Variants in PSMB7 observed in about 807,000 individuals in gnomAD.
PSMB7 encodes the protein proteasome 20S subunit beta 7.
In PSMB7, 5 loss-of-function variants were observed where a neutral mutation model predicts 28.1. The observed-to-expected ratio is 0.18, with a 90% CI of 0.09 to 0.37. The LOEUF is 0.37. PSMB7 is among the 10% of genes least tolerant of loss of function. The pLI is 1.00. For missense variants in PSMB7, 275 were observed against 346.2 expected (o/e 0.79, Z 1.63); for synonymous variants, 122 against 123.7 (o/e 0.99, Z 0.09).
chr9:124,372,793 A>AT (rs1830575703), intron 6 of PSMB7, among the ~76,000 whole-genome samples: 1 of 152,234 alleles, frequency 6.6e-6, no homozygotes, highest in South Asian at 2.1e-4. Flanking sequence ...GAACAGAAGA[A>AT]TACACATTCA....
At chr9:124,354,598 A>G (rs1264604147) in intron 7 of PSMB7, among the ~76,000 whole-genome samples, 2 of 152,194 alleles carry the variant, frequency 1.3e-5, no homozygotes, top group Non-Finnish European at 2.9e-5. Context: ...CAACTTCCAC[A>G]GTTCTGCATC....
At chr9:124,406,986 CAAAAAAT>C (rs1830973041) in intron 4 of PSMB7, among the ~76,000 whole-genome samples, 2 of 151,686 alleles carry the variant, frequency 1.3e-5, no homozygotes, top group Non-Finnish European at 2.9e-5. Flanking sequence ...CACTTAGTCT[CAAAAAAT>C]AAAAAATAAA....
Position 124,358,219 on chromosome 9 carries a change from G to C in PSMB7, c.571-1304C>G, listed in dbSNP as rs117072947. On this transcript the variant is annotated intron_variant, in intron 6 of 7. Transcript: ENST00000259457. ...ATCCGCTAACCTCAAGTTTTCAGAA[G>C]ATCTGAACCCACTGGGGGCTCCTGC... 5.6e-4 allele frequency among the ~76,000 whole-genome samples: 86 copies of C among 152,292 alleles called. 2 individuals carry two copies. In the East Asian group the frequency reaches 0.016, roughly 29 times the overall value.
rs1346522794 is a variant in PSMB7, at chr9:124,353,582, C to T, written c.*16G>A. The T allele has an allele frequency of 3.8e-6, 6 of 1,575,912 alleles. No individual in the cohort carries two copies. Among genetic ancestry groups the T allele is most frequent in the Admixed American group, 3.3e-5 (2 of 59,978 alleles). ...ACCACCTTCCAGAACCGCGGCCAGC[C>T]ACCCACTGATGCCATTCAGGAAGTG... On this transcript the variant is annotated 3_prime_UTR_variant, in exon 8 of 8. Transcript: ENST00000259457.
intron 5 of PSMB7, among the ~76,000 whole-genome samples, chr9:124,393,142 C>A (rs1020896001): frequency 3.9e-5 from 6 of 152,168 alleles, no homozygotes; most frequent in African/African-American, 1.4e-4. Context: ...GTGTGCAGAG[C>A]TGATTGATGA....
intron 6 of PSMB7, among the ~76,000 whole-genome samples, chr9:124,383,344 T>C (rs1434243191): frequency 1.3e-5 from 2 of 152,222 alleles, no homozygotes; most frequent in African/African-American, 4.8e-5. Flanking sequence ...TTCTATACAC[T>C]ATGTTTTAAT....
chr9:124,389,783 C>T (rs151058378), intron 5 of PSMB7, among the ~76,000 whole-genome samples: 4 of 152,320 alleles, frequency 2.6e-5, no homozygotes, highest in Admixed American at 6.5e-5. Flanking sequence ...CTGTCAGGGC[C>T]GGACTCACCC....
intron 6 of PSMB7, among the ~76,000 whole-genome samples, chr9:124,373,010 C>T (rs913549651): frequency 5.9e-5 from 9 of 152,224 alleles, no homozygotes; most frequent in Admixed American, 2.0e-4. Context: ...AGCCTTAACT[C>T]AAGAAGTCCC....
rs1161366281 is a variant in PSMB7, at chr9:124,353,558, C to T, written c.*40G>A. On this transcript the variant is annotated 3_prime_UTR_variant, in exon 8 of 8. Transcript: ENST00000259457. ...GTGTCTTACTGGGCCTCAATGCTCA[C>T]CACCTTCCAGAACCGCGGCCAGCCA... 7.0e-7 allele frequency: 1 copy of T among 1,425,496 alleles called. No individual in the cohort carries two copies. Among genetic ancestry groups the T allele is most frequent in the East Asian group, 2.3e-5 (1 of 43,982 alleles). 88.3% of individuals were successfully genotyped at this position (1,425,496 alleles called of 1,614,324 possible).
At chr9:124,387,964 G>A (rs1298328210) in intron 5 of PSMB7, among the ~76,000 whole-genome samples, 3 of 151,708 alleles carry the variant, frequency 2.0e-5, no homozygotes, top group Non-Finnish European at 4.4e-5. Context: ...CCTAGATACT[G>A]GTCCAACATC....
intron 5 of PSMB7, among the ~76,000 whole-genome samples, chr9:124,400,249 G>A (rs1830887395): frequency 6.6e-6 from 1 of 152,166 alleles, no homozygotes; most frequent in Non-Finnish European, 1.5e-5. Context: ...TCATCCCTCA[G>A]GCGTTTAAGT....
At chr9:124,386,882 C>G (rs1030843507) in intron 5 of PSMB7, among the ~76,000 whole-genome samples, 1 of 151,450 alleles carries the variant, frequency 6.6e-6, no homozygotes, top group Non-Finnish European at 1.5e-5. Context: ...CATATATTTC[C>G]TTCTGCTCAG....
At chr9:124,374,652 G>A (rs934171356) in intron 6 of PSMB7, among the ~76,000 whole-genome samples, 19 of 152,120 alleles carry the variant, frequency 1.2e-4, no homozygotes, top group African/African-American at 2.2e-4. Flanking sequence ...TAGTGAGACC[G>A]CTTATCTAAA....
At chr9:124,354,337 T>C (rs1432599754) in intron 7 of PSMB7, among the ~76,000 whole-genome samples, 1 of 152,194 alleles carries the variant, frequency 6.6e-6, no homozygotes, top group Admixed American at 6.5e-5. Flanking sequence ...CACCAGACTG[T>C]CTAGAAGATA....
intron 5 of PSMB7, among the ~76,000 whole-genome samples, chr9:124,403,698 T>C (rs770452367): frequency 6.6e-6 from 1 of 152,128 alleles, no homozygotes. Flanking sequence ...GTATTACCAA[T>C]ACCACTTCAC....
At chr9:124,386,173 G>A (rs1825435136) in intron 5 of PSMB7, among the ~76,000 whole-genome samples, 1 of 149,992 alleles carries the variant, frequency 6.7e-6, no homozygotes, top group Non-Finnish European at 1.5e-5. Flanking sequence ...CTAAAATGGT[G>A]ATCTAAAGGG....
chr9:124,406,011 T>C (rs1244074662), intron 4 of PSMB7, among the ~76,000 whole-genome samples: 1 of 152,020 alleles, frequency 6.6e-6, no homozygotes, highest in African/African-American at 2.4e-5. Context: ...AAGACAACAT[T>C]ATCATTCCCA....
At chr9:124,354,467 C>A (rs1442546064) in intron 7 of PSMB7, among the ~76,000 whole-genome samples, 1 of 152,208 alleles carries the variant, frequency 6.6e-6, no homozygotes, top group Non-Finnish European at 1.5e-5. Context: ...GTCAAACTTG[C>A]TGTCCTTCAG....
chr9:124,385,181 C>G (rs1033272964), intron 5 of PSMB7, among the ~76,000 whole-genome samples: 6 of 152,248 alleles, frequency 3.9e-5, no homozygotes, highest in Admixed American at 3.9e-4. Context: ...CAGCAGCCAC[C>G]AGGTTATTCC....
Sources: gnomAD v4.1 joint callset for allele counts (sites outside exome capture counted in the v4.1 genomes callset) on GRCh38, gnomAD v4.1.1 for gene constraint, MANE v1.5 for transcripts, NCBI Gene and HGNC (gene_info 2026-07-23, HGNC 2026-07-21) for gene names.